Variants in IL1RAPL1 observed in about 807,000 individuals in gnomAD.
IL1RAPL1 encodes interleukin-1 receptor accessory protein-like 1.
Under a neutral mutation model 48.4 loss-of-function variants are expected in IL1RAPL1, and 3 were observed. The ratio of observed to expected loss-of-function variants is 0.06; its 90% CI spans 0.03 to 0.16. The LOEUF is 0.16. Ranked by LOEUF, IL1RAPL1 falls within the 10% of genes least tolerant of loss-of-function variation. IL1RAPL1 has a pLI of 1.00. For missense variants in IL1RAPL1, 349 were observed against 530.6 expected (o/e 0.66, Z 3.36); for synonymous variants, 185 against 187.7 (o/e 0.99, Z 0.12).
chrX:29,554,190 G>A (rs1406307269), intron 5 of IL1RAPL1, among the ~76,000 whole-genome samples: 1 of 110,993 alleles, frequency 9.0e-6, no homozygotes, highest in African/African-American at 3.3e-5. Context: ...TGGAACAACA[G>A]AGCCTGGACC....
chrX:28,972,671 G>A (rs189730032), intron 2 of IL1RAPL1, among the ~76,000 whole-genome samples: 4 of 111,320 alleles, frequency 3.6e-5, no homozygotes, highest in South Asian at 3.8e-4. Context: ...CCTAGGAGGC[G>A]GAGCTTGGAG....
chrX:29,490,726 G>A (rs142454486), intron 5 of IL1RAPL1, among the ~76,000 whole-genome samples: 1,484 of 108,937 alleles, frequency 0.014, 12 homozygotes, highest in Non-Finnish European at 0.021. Flanking sequence ...AGCAAAGGGA[G>A]TTGTTTGGCC....
intron 2 of IL1RAPL1, among the ~76,000 whole-genome samples, chrX:28,802,900 A>G (rs1264371585): frequency 9.0e-6 from 1 of 111,723 alleles, no homozygotes; most frequent in Non-Finnish European, 1.9e-5. Context: ...AAAACTTCTG[A>G]TGAATTATTG....
chrX:29,157,787 A>G (rs1929597755), intron 2 of IL1RAPL1, among the ~76,000 whole-genome samples: 1 of 111,685 alleles, frequency 9.0e-6, no homozygotes, highest in Admixed American at 9.6e-5. Flanking sequence ...ATTATATGAG[A>G]TAAAGCACAT....
rs1210417673 is a variant in IL1RAPL1 at position 29,802,747 on chromosome X, TTATATATATATA to T, written c.779-114693_779-114682del. On this transcript the variant is annotated intron_variant, in intron 6 of 10. Coordinates refer to ENST00000378993, the MANE Select transcript of IL1RAPL1 (RefSeq NM_014271.4). Reference sequence around the variant, plus strand: ...AGCTATGAGGTCTCTGAGGAAAAAATTATATATATATATATATATATATATATATATATATGT... The same window carrying T: ...AGCTATGAGGTCTCTGAGGAAAAAATTATATATATATATATATATATATGT... 2.2e-4 allele frequency among the ~76,000 whole-genome samples: 8 copies of T among 36,258 alleles called. No individual in the cohort carries two copies. The East Asian group carries it at 3.1e-3, about 14-fold the overall frequency. The allele number at this position is 36,258 out of a possible 115,157, so 31.5% of individuals were successfully genotyped here. A position where few individuals can be genotyped will look rare whatever the true frequency, so the allele number is the denominator to read the frequency against.
At chrX:29,928,693 G>T (rs1474010220) in intron 8 of IL1RAPL1, among the ~76,000 whole-genome samples, 1 of 111,758 alleles carries the variant, frequency 8.9e-6, no homozygotes, top group Non-Finnish European at 1.9e-5. Flanking sequence ...AGCATTTTTG[G>T]GAAGAGGGAG....
chrX:28,791,875 A>G (rs1387902049), intron 2 of IL1RAPL1, among the ~76,000 whole-genome samples: 1 of 111,648 alleles, frequency 9.0e-6, no homozygotes. Context: ...GTTTGAAGGA[A>G]GCAGATATGT....
At chrX:28,791,817 T>TC (rs1327758738) in intron 2 of IL1RAPL1, among the ~76,000 whole-genome samples, 1 of 111,882 alleles carries the variant, frequency 8.9e-6, no homozygotes, top group African/African-American at 3.2e-5. Context: ...CCACATACTT[T>TC]CATAGCTTGG....
At chrX:29,188,760 T>A (rs1406417785) in intron 2 of IL1RAPL1, among the ~76,000 whole-genome samples, 1 of 108,983 alleles carries the variant, frequency 9.2e-6, no homozygotes, top group Admixed American at 9.9e-5. Context: ...CTAATTTTTT[T>A]ATTTTTAGTA....
intron 6 of IL1RAPL1, among the ~76,000 whole-genome samples, chrX:29,720,770 A>C (rs1927619284): frequency 8.9e-6 from 1 of 112,217 alleles, no homozygotes; most frequent in Non-Finnish European, 1.9e-5. Flanking sequence ...AATAAATTAA[A>C]AAAACAAACA....
intron 6 of IL1RAPL1, among the ~76,000 whole-genome samples, chrX:29,898,982 T>C (rs992157615): frequency 8.9e-6 from 1 of 111,994 alleles, no homozygotes. Flanking sequence ...CAATCTCTTT[T>C]ATTGAACGAA....
chrX:28,752,506 A>G (rs919813643), intron 1 of IL1RAPL1, among the ~76,000 whole-genome samples: 2 of 112,573 alleles, frequency 1.8e-5, no homozygotes, highest in African/African-American at 6.5e-5. Context: ...TGTGCAGACC[A>G]CAGGAAACCA....
At chrX:29,163,565 G>A (rs1187315969) in intron 2 of IL1RAPL1, among the ~76,000 whole-genome samples, 1 of 111,552 alleles carries the variant, frequency 9.0e-6, no homozygotes, top group East Asian at 2.8e-4. Flanking sequence ...TGGAGGCAGA[G>A]AGATAAGTCT....
intron 1 of IL1RAPL1, among the ~76,000 whole-genome samples, chrX:28,626,334 T>C (rs1479478169): frequency 8.9e-6 from 1 of 112,292 alleles, no homozygotes; most frequent in Non-Finnish European, 1.9e-5. Flanking sequence ...TATGACAAAA[T>C]CATTTCAACA....
chrX:28,689,337 A>G (rs745741887), intron 1 of IL1RAPL1, among the ~76,000 whole-genome samples: 3 of 110,461 alleles, frequency 2.7e-5, no homozygotes, highest in Non-Finnish European at 3.8e-5. Flanking sequence ...TGATGGTTTT[A>G]TAAGGGGCTT....
chrX:29,474,218 C>T (rs1299159088), intron 5 of IL1RAPL1, among the ~76,000 whole-genome samples: 1 of 111,795 alleles, frequency 8.9e-6, no homozygotes, highest in Non-Finnish European at 1.9e-5. Flanking sequence ...TGTTTCTGTC[C>T]CCTGAAATCC....
chrX:29,231,473 T>C (rs1931201422), intron 2 of IL1RAPL1, among the ~76,000 whole-genome samples: 1 of 112,059 alleles, frequency 8.9e-6, no homozygotes, highest in South Asian at 3.7e-4. Flanking sequence ...AGCCTTGTGG[T>C]GTCTGTTGGT....
intron 3 of IL1RAPL1, among the ~76,000 whole-genome samples, chrX:29,287,022 A>G (rs1276991845): frequency 9.0e-6 from 1 of 111,293 alleles, no homozygotes; most frequent in East Asian, 2.8e-4. Flanking sequence ...GATACAGTCA[A>G]GATACAAAAC....
intron 2 of IL1RAPL1, among the ~76,000 whole-genome samples, chrX:28,988,591 A>G (rs1925531693): frequency 8.9e-6 from 1 of 111,967 alleles, no homozygotes; most frequent in Non-Finnish European, 1.9e-5. Flanking sequence ...TGTTTAGTGG[A>G]AAGAGCTGCT....
Sources: allele counts gnomAD v4.1 joint callset (sites outside exome capture counted in the v4.1 genomes callset), GRCh38; gene constraint gnomAD v4.1.1; transcripts MANE v1.5; gene names NCBI Gene and HGNC (gene_info 2026-07-23, HGNC 2026-07-21).